KCNIP4: variants seen among roughly 807,000 people sequenced by gnomAD.
The protein encoded by KCNIP4 is potassium voltage-gated channel interacting protein 4.
KCNIP4 carries 12 observed loss-of-function variants against 34.0 expected under a neutral mutation model. That is an observed-to-expected ratio of 0.35 (90% confidence interval 0.23 to 0.57). KCNIP4 has a LOEUF of 0.57. KCNIP4 is among the 20% of genes least tolerant of loss of function. KCNIP4 has a pLI of 0.83. For missense variants in KCNIP4, 238 were observed against 311.7 expected (o/e 0.76, Z 1.78); for synonymous variants, 124 against 102.2 (o/e 1.21, Z -1.29).
intron 1 of KCNIP4, among the ~76,000 whole-genome samples, chr4:21,216,648 A>G (rs1446287483): frequency 6.6e-6 from 1 of 152,184 alleles, no homozygotes. Context: ...AACGAGAACT[A>G]GGATCCTTTC....
At chr4:21,048,944 C>CTTTTTTTTTTTTTTTTT (rs949548104) in intron 1 of KCNIP4, among the ~76,000 whole-genome samples, 2 of 96,046 alleles carry the variant, frequency 2.1e-5, no homozygotes, top group African/African-American at 8.4e-5. Flanking sequence ...TTCTGTTTAT[C>CTTTTTTTTTTTTTTTTT]TTTTTTTTTT....
At chr4:20,975,034 T>C (rs1424693525) in intron 1 of KCNIP4, among the ~76,000 whole-genome samples, 6 of 152,188 alleles carry the variant, frequency 3.9e-5, no homozygotes, top group African/African-American at 1.4e-4. Context: ...TGTCATGAGG[T>C]AGCTACGACT....
chr4:21,176,041 T>G (rs1006575228), intron 1 of KCNIP4, among the ~76,000 whole-genome samples: 7 of 152,192 alleles, frequency 4.6e-5, no homozygotes, highest in African/African-American at 1.7e-4. Flanking sequence ...ATAAAACCTT[T>G]CTTGCCTGTC....
At chr4:21,571,165 C>A (rs1740338581) in intron 1 of KCNIP4, among the ~76,000 whole-genome samples, 1 of 152,158 alleles carries the variant, frequency 6.6e-6, no homozygotes, top group African/African-American at 2.4e-5. Flanking sequence ...AGTGTTACTT[C>A]TCCGCCTTCT....
At position 21,815,998 on chromosome 4, in the gene KCNIP4, T is replaced by C. The variant is rs576917678; in HGVS notation, c.61+132573A>G. Among the ~76,000 whole-genome samples, 151 of 152,310 alleles carry C rather than the reference T, an allele frequency of 9.9e-4. 1 individual carries two copies. Among genetic ancestry groups the C allele is most frequent in the African/African-American group, 3.5e-3 (144 of 41,574 alleles). ...TTTGTGGCAGGTGACCTGATCTTAATAATGAGGGTGAATCTCACAGGCAGG... is the reference window on the plus strand; with the variant it reads ...TTTGTGGCAGGTGACCTGATCTTAACAATGAGGGTGAATCTCACAGGCAGG... On this transcript the variant is annotated intron_variant, in intron 1 of 8. Coordinates refer to ENST00000382152, the MANE Select transcript of KCNIP4 (RefSeq NM_025221.6).
intron 5 of KCNIP4, among the ~76,000 whole-genome samples, chr4:20,743,125 A>G (rs1019395990): frequency 6.6e-6 from 1 of 151,926 alleles, no homozygotes; most frequent in African/African-American, 2.4e-5. Context: ...AGAGGACACA[A>G]ACAAATGGAA....
intron 1 of KCNIP4, among the ~76,000 whole-genome samples, chr4:21,386,240 T>C (rs1158250921): frequency 2.0e-5 from 3 of 152,192 alleles, no homozygotes; most frequent in Non-Finnish European, 4.4e-5. Context: ...ATTGAACAAC[T>C]GCTGAGACAA....
chr4:21,716,228 CT>C lies in KCNIP4; in HGVS notation c.61+232342del, dbSNP rs566960899. Among the ~76,000 whole-genome samples the C allele has an allele frequency of 1.3e-4, 20 of 152,052 alleles. No homozygotes were observed. The East Asian group carries it at 3.9e-3, about 29-fold the overall frequency. On this transcript the variant is annotated intron_variant, in intron 1 of 8. Transcript: ENST00000382152. ...TTACGTATGGGGCCAACATAATAGT[CT>C]TTTTTTAATTTTAATTTTTATTTTT...
chr4:20,819,547 TG>T (rs2149443289), intron 3 of KCNIP4, among the ~76,000 whole-genome samples: 1 of 152,314 alleles, frequency 6.6e-6, no homozygotes, highest in South Asian at 2.1e-4. Context: ...ATTATAAAAC[TG>T]GCAAAAGAAC....
intron 1 of KCNIP4, among the ~76,000 whole-genome samples, chr4:21,618,334 C>A (rs1383106849): frequency 1.3e-5 from 2 of 151,942 alleles, no homozygotes; most frequent in African/African-American, 4.8e-5. Flanking sequence ...AGTTAAAGCC[C>A]ATTTAAATAA....
intron 1 of KCNIP4, among the ~76,000 whole-genome samples, chr4:21,532,643 C>T (rs1163000592): frequency 3.3e-5 from 5 of 152,086 alleles, no homozygotes; most frequent in African/African-American, 1.2e-4. Context: ...CTTTTTTCAT[C>T]TGAAGTATCT....
chr4:20,927,903 C>A (rs966577111), intron 1 of KCNIP4, among the ~76,000 whole-genome samples: 1 of 152,082 alleles, frequency 6.6e-6, no homozygotes, highest in Non-Finnish European at 1.5e-5. Flanking sequence ...TTTGTCTAAG[C>A]ACTGCTATAT....
chr4:21,466,867 A>T (rs1698860486), intron 1 of KCNIP4, among the ~76,000 whole-genome samples: 1 of 152,136 alleles, frequency 6.6e-6, no homozygotes, highest in Non-Finnish European at 1.5e-5. Flanking sequence ...CATAGAGGTG[A>T]AGCAAATCTA....
At chr4:21,213,974 C>T (rs1757397716) in intron 1 of KCNIP4, among the ~76,000 whole-genome samples, 1 of 152,178 alleles carries the variant, frequency 6.6e-6, no homozygotes, top group Non-Finnish European at 1.5e-5. Flanking sequence ...ACTGCATTTA[C>T]AAAGACCTGG....
intron 1 of KCNIP4, among the ~76,000 whole-genome samples, chr4:21,242,034 G>A (rs1172896470): frequency 6.6e-6 from 1 of 151,684 alleles, no homozygotes; most frequent in Admixed American, 6.6e-5. Flanking sequence ...CGTGGTGGTG[G>A]GTGCCTGCAG....
intron 1 of KCNIP4, among the ~76,000 whole-genome samples, chr4:21,359,598 A>T (rs1386350910): frequency 6.6e-6 from 1 of 152,158 alleles, no homozygotes; most frequent in Non-Finnish European, 1.5e-5. Context: ...AAAATAAATC[A>T]GGAAAATATA....
intron 1 of KCNIP4, among the ~76,000 whole-genome samples, chr4:21,670,725 G>T (rs998322050): frequency 4.6e-5 from 7 of 151,966 alleles, no homozygotes; most frequent in African/African-American, 1.7e-4. Flanking sequence ...GCGCGATCTT[G>T]GCTCACTGCA....
At chr4:21,503,918 T>C (rs931373824) in intron 1 of KCNIP4, among the ~76,000 whole-genome samples, 1 of 152,196 alleles carries the variant, frequency 6.6e-6, no homozygotes, top group Non-Finnish European at 1.5e-5. Context: ...AAGTAGTGAA[T>C]ATCCACATAG....
At chr4:21,401,470 C>A (rs1048515716) in intron 1 of KCNIP4, among the ~76,000 whole-genome samples, 2 of 152,154 alleles carry the variant, frequency 1.3e-5, no homozygotes, top group African/African-American at 4.8e-5. Context: ...TATTAAGGTG[C>A]CACTGTTCAG....
Sources: gnomAD v4.1 joint callset for allele counts (sites outside exome capture counted in the v4.1 genomes callset) on GRCh38, gnomAD v4.1.1 for gene constraint, MANE v1.5 for transcripts, NCBI Gene and HGNC (gene_info 2026-07-23, HGNC 2026-07-21) for gene names.